The following AKAP9 variants were observed in gnomAD, a reference collection of about 807,000 sequenced individuals.
The protein encoded by AKAP9 is A-kinase anchoring protein 9.
In AKAP9, 311 loss-of-function variants were observed where a neutral mutation model predicts 488.5. That is an observed-to-expected ratio of 0.64 (90% CI 0.58 to 0.70). The LOEUF (loss-of-function observed/expected upper bound fraction) is 0.70. Ranked by LOEUF, AKAP9 falls within the 30% of genes least tolerant of loss-of-function variation. The pLI is 0.00. For missense variants in AKAP9, 4,215 were observed against 4,374.5 expected, an observed-to-expected ratio of 0.96 and a Z score of 1.03; for synonymous variants, 1,462 against 1,483.5, an observed-to-expected ratio of 0.99 and a Z score of 0.33.
In AKAP9 at chr7:92,001,599, C is replaced by T. The variant is rs149162273; in HGVS notation, c.1682C>T (p.Ala561Val). Reference sequence around the variant, plus strand: ...GAACAAGAAAGTAAACTTAATGAAGCACATAAGTCCCTTAGTACAGTGGAA... The same window carrying T: ...GAACAAGAAAGTAAACTTAATGAAGTACATAAGTCCCTTAGTACAGTGGAA... ...IAEQESKLNE[A>V]HKSLSTVEDL... The change falls in exon 8 of 50, where the codon GCA becomes GTA. Residue 561 changes from alanine (A) to valine (V), a missense_variant. By Grantham distance (64) the Ala-to-Val change is moderately conservative (BLOSUM62 0). Coordinates refer to ENST00000356239, the MANE Select transcript of AKAP9 (RefSeq NM_005751.5). 54 of 1,613,702 alleles carry T rather than the reference C, an allele frequency of 3.3e-5. No individual in the cohort carries two copies. The highest frequency in any genetic ancestry group is 2.5e-5 in the Non-Finnish European group (30 of 1,179,808).
At chr7:91,982,906 T>C (rs183697932) in intron 3 of AKAP9, among the ~76,000 whole-genome samples, 20 of 152,308 alleles carry the variant, frequency 1.3e-4, no homozygotes, top group African/African-American at 4.6e-4. Context: ...TGGTATCTCA[T>C]TGTGGTTTTG....
At chr7:92,024,043 A>AT (rs1802709755) in intron 14 of AKAP9, among the ~76,000 whole-genome samples, 1 of 151,570 alleles carries the variant, frequency 6.6e-6, no homozygotes, top group South Asian at 2.1e-4. Flanking sequence ...TCTCTACTTT[A>AT]TTTTTTCTAT....
intron 31 of AKAP9, among the ~76,000 whole-genome samples, chr7:92,082,215 G>A (rs754544656): frequency 5.3e-5 from 8 of 152,164 alleles, no homozygotes; most frequent in Admixed American, 1.3e-4. Context: ...GATTACAGGC[G>A]TGAGCCACCG....
chr7:92,053,093 A>C (rs912234093), intron 22 of AKAP9, 135 bp downstream of exon 22: 12 of 716,498 alleles, frequency 1.7e-5, no homozygotes, highest in Middle Eastern at 4.6e-4. Context: ...TATGCATCTT[A>C]ATTATCCCTT....
chr7:92,035,561 T>C (rs1805056174), intron 16 of AKAP9, among the ~76,000 whole-genome samples: 1 of 152,246 alleles, frequency 6.6e-6, no homozygotes, highest in African/African-American at 2.4e-5. Flanking sequence ...GAATTGTATA[T>C]TAAATGTTTT....
chr7:92,071,370 T>C (rs1811702185), intron 28 of AKAP9, among the ~76,000 whole-genome samples: 1 of 150,134 alleles, frequency 6.7e-6, no homozygotes, highest in Non-Finnish European at 1.5e-5. Flanking sequence ...TATTGAATTA[T>C]TGCTGCTTTG....
intron 22 of AKAP9, among the ~76,000 whole-genome samples, chr7:92,056,819 T>G (rs908891263): frequency 3.3e-5 from 5 of 151,986 alleles, no homozygotes. Context: ...CCTACCTTCT[T>G]TAGCATGGGT....
intron 14 of AKAP9, among the ~76,000 whole-genome samples, chr7:92,028,668 T>TA (rs1803722778): frequency 6.6e-6 from 1 of 152,226 alleles, no homozygotes; most frequent in Non-Finnish European, 1.5e-5. Flanking sequence ...AGCAAAGTTT[T>TA]ACAATTGTTA....
In AKAP9 at chr7:92,085,544, C is replaced by T. The variant is rs937790200; in HGVS notation, c.8882C>T (p.Thr2961Ile). ...HNEGMQVLSL[T>I]ESPYSDGEDH... ...GAAGGCATGCAGGTGCTTTCTCTCA[C>T]TGAGTCTCCCTATAGTGATGGAGAG... The change falls in exon 36 of 50, where the codon ACT (threonine) becomes ATT (isoleucine). Residue 2961 changes from threonine to isoleucine, a missense_variant. Thr to Ile is a moderately conservative substitution (Grantham distance 89). Coordinates refer to ENST00000356239, the MANE Select transcript of AKAP9 (RefSeq NM_005751.5). 6.2e-7 allele frequency: 1 copy of T among 1,613,954 alleles called. No individual in the cohort carries two copies. Among genetic ancestry groups the T allele is most frequent in the African/African-American group, 1.3e-5 (1 of 74,894 alleles).
At chr7:91,958,537 C>G (rs934660756) in intron 1 of AKAP9, among the ~76,000 whole-genome samples, 40 of 152,102 alleles carry the variant, frequency 2.6e-4, no homozygotes, top group African/African-American at 9.7e-4. Flanking sequence ...ATCTAAACAG[C>G]ACTTTCTTTA....
At position 92,085,662 on chromosome 7, in the gene AKAP9, G is replaced by A. The variant is rs749082483; in HGVS notation, c.9000G>A (p.Lys3000=). 1 of 1,613,046 alleles carries A rather than the reference G, an allele frequency of 6.2e-7. No homozygotes were observed. ...TISSLKDLIT[K]MQLQREAEVY... ...CATCTCTAAAGGATTTAATTACAAA[G>A]ATGCAACTGCAAAGAGAAGCCGAGG... Residue 3000 remains lysine, a synonymous_variant, in exon 36 of 50, where the codon AAG becomes AAA. Coordinates refer to ENST00000356239, the MANE Select transcript of AKAP9 (RefSeq NM_005751.5).
At chr7:92,061,617 T>TATATATATAA (rs1809850569) in intron 23 of AKAP9, among the ~76,000 whole-genome samples, 195 bp downstream of exon 23, 1 of 139,220 alleles carries the variant, frequency 7.2e-6, no homozygotes, top group Non-Finnish European at 1.6e-5. Context: ...TATATATATA[T>TATATATATAA]ATAAAATTAT....
At position 92,061,340 on chromosome 7, in the gene AKAP9, G is replaced by C. The variant is rs1352073552; in HGVS notation, c.5682G>C (p.Lys1894Asn). The C allele has an allele frequency of 6.2e-7, 1 of 1,613,186 alleles. No homozygotes were observed. Among genetic ancestry groups the C allele is most frequent in the Non-Finnish European group, 8.5e-7 (1 of 1,179,520 alleles). ...AACAAGAAGCAACAGAGTCCCTTAA[G>C]TGCCAAGAGGAACTTCGAGAGCGCC... ...RQKQEATESL[K>N]CQEELRERLH... Residue 1894 changes from lysine to asparagine, a missense_variant, in exon 23 of 50, where the codon AAG (lysine) becomes AAC (asparagine). This residue lies in a region of AKAP9 where 2,361 missense variants were observed against 2,430.0 expected (regional missense o/e 0.97). Transcript: ENST00000356239.
intron 18 of AKAP9, chr7:92,041,806 A>T (rs1167366648): frequency 5.1e-6 from 2 of 390,250 alleles, no homozygotes; most frequent in African/African-American, 4.1e-5. Context: ...TCAATGCAAA[A>T]TTGACAAAAA....
At chr7:92,034,510 T>A (rs1215446096) in intron 16 of AKAP9, among the ~76,000 whole-genome samples, 1 of 140,534 alleles carries the variant, frequency 7.1e-6, no homozygotes, top group Non-Finnish European at 1.6e-5. Context: ...TTTTTTTTTT[T>A]TTTTTTTTTG....
intron 1 of AKAP9, among the ~76,000 whole-genome samples, chr7:91,946,684 C>T (rs1030451182): frequency 6.6e-6 from 1 of 151,964 alleles, no homozygotes; most frequent in South Asian, 2.1e-4. Flanking sequence ...TAGGCTTTGT[C>T]GGAATGAAGC....
chr7:92,008,346 G>A (rs1019553684), intron 8 of AKAP9, among the ~76,000 whole-genome samples: 7 of 151,294 alleles, frequency 4.6e-5, no homozygotes, highest in East Asian at 2.0e-4. Context: ...CAGCCTAGGC[G>A]ACAGAAAAAA....
rs1397831091 is a variant in AKAP9 at position 92,097,231 on chromosome 7, A to T, written c.10272A>T (p.Gln3424His). ...AGCGCCAGCTGGAAGAGAAAAGACAACAAGTTTATAAGTTAGACCTTGAAG... is the reference window on the plus strand; with the variant it reads ...AGCGCCAGCTGGAAGAGAAAAGACATCAAGTTTATAAGTTAGACCTTGAAG... Reference protein sequence around the residue: ...DLQRQLEEKRQQVYKLDLEGQ... With the variant: ...DLQRQLEEKRHQVYKLDLEGQ... The change falls in exon 41 of 50, where the codon CAA becomes CAT. Residue 3424 changes from glutamine (Q) to histidine (H), a missense_variant. Transcript: ENST00000356239. 2 of 1,612,810 alleles carry T rather than the reference A, an allele frequency of 1.2e-6. No individual in the cohort carries two copies. Among genetic ancestry groups the T allele is most frequent in the Non-Finnish European group, 1.7e-6 (2 of 1,179,722 alleles).
At position 92,043,337 on chromosome 7, in the gene AKAP9, A is replaced by G. The variant is rs1401568623; in HGVS notation, c.5162+566A>G. On this transcript the variant is annotated intron_variant, in intron 20 of 49. Coordinates refer to ENST00000356239, the MANE Select transcript of AKAP9 (RefSeq NM_005751.5). ...TTGGCTTCCCCATTGGATCATCAGTATGGAACGCAGTCAGTATGGAACTCA... is the reference window on the plus strand; with the variant it reads ...TTGGCTTCCCCATTGGATCATCAGTGTGGAACGCAGTCAGTATGGAACTCA... 1.5e-5 allele frequency: 15 copies of G among 984,834 alleles called. No homozygotes were observed. In the African/African-American group the frequency reaches 2.4e-4, roughly 16 times the overall value. The allele number at this position is 984,834 out of a possible 1,614,324, so 61.0% of individuals were successfully genotyped here.
Sources: gnomAD v4.1 joint callset for allele counts (sites outside exome capture counted in the v4.1 genomes callset) on GRCh38, gnomAD v4.1.1 for gene constraint, gnomAD v4.1.1 regional missense constraint, MANE v1.5 for transcripts, NCBI Gene and HGNC (gene_info 2026-07-23, HGNC 2026-07-21) for gene names.